Variants in DOT1L observed in about 807,000 individuals in gnomAD.
DOT1L encodes DOT1 like histone lysine methyltransferase, also known as histone-lysine N-methyltransferase, H3 lysine-79 specific.
DOT1L carries 33 observed loss-of-function variants against 153.3 expected under a neutral mutation model. The ratio of observed to expected loss-of-function variants is 0.22; its 90% CI spans 0.16 to 0.29. The LOEUF is 0.29. Among genes scored for constraint, DOT1L ranks in the 10% least tolerant of loss-of-function variants. The pLI is 1.00. For synonymous variants in DOT1L, 1,135 were observed against 965.1 expected, an observed-to-expected ratio of 1.18 and a Z score of -3.26; for missense variants, 1,847 against 2,119.9, an observed-to-expected ratio of 0.87 and a Z score of 2.53.
intron 16 of DOT1L, chr19:2,212,148 C>T: frequency 3.3e-6 from 1 of 299,876 alleles, no homozygotes; most frequent in Non-Finnish European, 6.2e-6. Context: ...CCCGGTTCCT[C>T]AAAGGCTGAG....
rs2022191603 is a variant in DOT1L at position 2,180,698 on chromosome 19, C to T, written c.82-15C>T. ...GAGGATGGCTCTGCGTCTCAAACTTCTCTCTCTGTTTCAGGATAAACATCA... is the reference window on the plus strand; with the variant it reads ...GAGGATGGCTCTGCGTCTCAAACTTTTCTCTCTGTTTCAGGATAAACATCA... On this transcript the variant is annotated splice_polypyrimidine_tract_variant and intron_variant, in intron 1 of 27. Transcript: ENST00000398665. The T allele has an allele frequency of 6.2e-7, 1 of 1,613,978 alleles. No individual in the cohort carries two copies. Among genetic ancestry groups the T allele is most frequent in the Non-Finnish European group, 8.5e-7 (1 of 1,179,976 alleles).
At chr19:2,212,168 G>A (rs1186781818) in intron 16 of DOT1L, 1 of 238,606 alleles carries the variant, frequency 4.2e-6, no homozygotes, top group Non-Finnish European at 8.1e-6. Context: ...GTACTGTGAG[G>A]TCACAGTCTT....
chr19:2,214,353 G>A, intron 18 of DOT1L, 118 bp from the exon 19 acceptor site: 1 of 1,479,186 alleles, frequency 6.8e-7, no homozygotes. Context: ...AACGGGGTCT[G>A]TGCCCTAAGC....
In DOT1L at chr19:2,207,403, G is replaced by C. The variant is rs1001897282; in HGVS notation, c.857-171G>C. On this transcript the variant is annotated intron_variant, in intron 10 of 27. Transcript: ENST00000398665. The surrounding 1 kb of genome is among the most constrained non-coding windows in gnomAD (Gnocchi z 4.5). The stretch of plus-strand genomic sequence containing the variant: ...CCCAGGCCAGGTGGTGTTGAATGGT[G>C]CACCTCCCTGGGCCGGCCTCTGTGG... Among the ~76,000 whole-genome samples the C allele has an allele frequency of 6.6e-6, 1 of 152,194 alleles. No homozygotes were observed. The highest frequency in any genetic ancestry group is 1.5e-5 in the Non-Finnish European group (1 of 68,018).
At chr19:2,195,831 A>G in intron 7 of DOT1L, among the ~76,000 whole-genome samples, 1 of 152,228 alleles carries the variant, frequency 6.6e-6, no homozygotes, top group Non-Finnish European at 1.5e-5. Context: ...AGTTTGCAGA[A>G]GCAACAGAAA....
At chr19:2,228,696 G>A in intron 27 of DOT1L, 1 of 985,412 alleles carries the variant, frequency 1.0e-6, no homozygotes, top group Non-Finnish European at 1.2e-6. Flanking sequence ...CCAGGCCAGG[G>A]GGCTGGGAGC....
intron 18 of DOT1L, 92 bp downstream of exon 18, chr19:2,214,078 G>C (rs1015166812): frequency 4.3e-5 from 65 of 1,498,440 alleles, no homozygotes; most frequent in Non-Finnish European, 5.8e-5. Context: ...GCTCTGGAAG[G>C]CCCGCCTCTG....
At position 2,230,300 on chromosome 19, in the gene DOT1L, C is replaced by T. The variant is rs1025683377; in HGVS notation, c.*508C>T. On this transcript the variant is annotated 3_prime_UTR_variant, in exon 28 of 28. Transcript: ENST00000398665. ...GCTCCCGTACCAAAGGCAGGCCCGT[C>T]GCCACCACATTCCTCGGAGGCCTCC... The T allele has an allele frequency of 5.3e-5, 22 of 416,458 alleles. No individual in the cohort carries two copies. The highest frequency in any genetic ancestry group is 2.9e-4 in the African/African-American group (14 of 48,820). 25.8% of individuals were successfully genotyped at this position (416,458 alleles called of 1,614,324 possible). A position where few individuals can be genotyped will look rare whatever the true frequency, so the allele number is the denominator to read the frequency against.
chr19:2,207,496 C>T lies in DOT1L; in HGVS notation c.857-78C>T. The T allele has an allele frequency of 7.8e-7, 1 of 1,276,594 alleles. No homozygotes were observed. The highest frequency in any genetic ancestry group is 1.1e-6 in the Non-Finnish European group (1 of 914,360). 79.1% of individuals were successfully genotyped at this position (1,276,594 alleles called of 1,614,324 possible). A position where few individuals can be genotyped will look rare whatever the true frequency, so the allele number is the denominator to read the frequency against. On this transcript the variant is annotated intron_variant, in intron 10 of 27. Coordinates refer to ENST00000398665, the MANE Select transcript of DOT1L (RefSeq NM_032482.3). The surrounding 1 kb of genome is among the most constrained non-coding windows in gnomAD (Gnocchi z 4.5). Reference sequence around the variant, plus strand: ...GCAGCTCAGGCTTCTGTCCCCACGCCTGCCCTGGGGTGGGTGAGGTCTGCA... The same window carrying T: ...GCAGCTCAGGCTTCTGTCCCCACGCTTGCCCTGGGGTGGGTGAGGTCTGCA...
In DOT1L at chr19:2,208,890, AGATTGG is replaced by A. The variant is rs1203189957; in HGVS notation, c.964-42_964-37del. Reference sequence around the variant, plus strand: ...TGGGTGTCCAGACAAATCCGAACAGAGATTGGGACTCCCTTCTAATCAGGGTTCTCT... The same window carrying A: ...TGGGTGTCCAGACAAATCCGAACAGAGACTCCCTTCTAATCAGGGTTCTCT... On this transcript the variant is annotated intron_variant, in intron 11 of 27. Transcript: ENST00000398665. This position sits in a 1 kb window ranked among gnomAD's most constrained non-coding sequence, Gnocchi z 4.4. 1 of 1,598,080 alleles carries A rather than the reference AGATTGG, an allele frequency of 6.3e-7. No homozygotes were observed. Among genetic ancestry groups the A allele is most frequent in the Non-Finnish European group, 8.5e-7 (1 of 1,170,728 alleles).
In DOT1L at chr19:2,222,427, C is replaced by T. The variant is rs756337153; in HGVS notation, c.3258C>T (p.Arg1086=). ...VPSHGQDSRR[R]GRRKRASAGT... is the part of the protein sequence containing the mutation. ...GCCACGGGCAGGACAGTCGCAGGCG[C>T]GGCCGGCGGAAGCGAGCATCTGCGG... The change falls in exon 24 of 28, where the codon CGC becomes CGT. Residue 1086 remains arginine, a synonymous_variant. Coordinates refer to ENST00000398665, the MANE Select transcript of DOT1L (RefSeq NM_032482.3). This position sits in a 1 kb window ranked among gnomAD's most constrained non-coding sequence, Gnocchi z 6.5. The T allele has an allele frequency of 3.4e-5, 55 of 1,609,786 alleles. No individual in the cohort carries two copies. The Middle Eastern group carries it at 5.0e-4, about 15-fold the overall frequency.
chr19:2,208,180 C>T lies in DOT1L; in HGVS notation c.963+500C>T, dbSNP rs985938446. ...CAGTGTGCGGCCTGCCTGCCTCCCACGGTGCTTCCCCCCCGGGCACGAGTA... is the reference window on the plus strand; with the variant it reads ...CAGTGTGCGGCCTGCCTGCCTCCCATGGTGCTTCCCCCCCGGGCACGAGTA... On this transcript the variant is annotated intron_variant, in intron 11 of 27. Coordinates refer to ENST00000398665, the MANE Select transcript of DOT1L (RefSeq NM_032482.3). This position sits in a 1 kb window ranked among gnomAD's most constrained non-coding sequence, Gnocchi z 4.4. 3.3e-5 allele frequency among the ~76,000 whole-genome samples: 5 copies of T among 152,134 alleles called. No individual in the cohort carries two copies. The highest frequency in any genetic ancestry group is 9.7e-5 in the African/African-American group (4 of 41,424).
chr19:2,167,879 A>G (rs4807205), intron 1 of DOT1L, among the ~76,000 whole-genome samples: 70,288 of 151,206 alleles, frequency 0.46, 16,397 homozygotes, highest in African/African-American at 0.48. Flanking sequence ...GGGATTACAG[A>G]CCTGTGCCAC....
intron 8 of DOT1L, among the ~76,000 whole-genome samples, chr19:2,201,568 A>T (rs1272595658): frequency 1.3e-5 from 2 of 152,008 alleles, no homozygotes; most frequent in African/African-American, 4.8e-5. Context: ...GTGAACTTCC[A>T]TTTGGGTTGG....
intron 2 of DOT1L, 43 bp from the exon 3 acceptor site, chr19:2,185,808 CAAAA>C (rs748068877): frequency 4.4e-6 from 7 of 1,593,854 alleles, no homozygotes; most frequent in South Asian, 2.2e-5. Flanking sequence ...CAAAACAAAA[CAAAA>C]AAAACCAAAC....
At position 2,214,604 on chromosome 19, in the gene DOT1L, G is replaced by C. The variant is rs1339148632; in HGVS notation, c.1923+8G>C. ...CACTGCCTGGAGCTGCAGGTGGGCT[G>C]CGCGCGAGGCTGCACTCCGTGGTGT... On this transcript the variant is annotated splice_region_variant and intron_variant, in intron 19 of 27. Coordinates refer to ENST00000398665, the MANE Select transcript of DOT1L (RefSeq NM_032482.3). The C allele has an allele frequency of 6.2e-7, 1 of 1,611,442 alleles. No individual in the cohort carries two copies. The highest frequency in any genetic ancestry group is 1.1e-5 in the South Asian group (1 of 90,886).
intron 22 of DOT1L, among the ~76,000 whole-genome samples, chr19:2,219,865 C>G (rs1485533126): frequency 6.6e-6 from 1 of 152,206 alleles, no homozygotes; most frequent in Non-Finnish European, 1.5e-5. Context: ...GGACCCCCGC[C>G]TCCTGACCTC....
At chr19:2,210,008 C>T (rs1012035762) in intron 12 of DOT1L, among the ~76,000 whole-genome samples, 23 of 152,200 alleles carry the variant, frequency 1.5e-4, no homozygotes, top group Non-Finnish European at 2.6e-4. Flanking sequence ...GTGTGGGCCT[C>T]GGTGCCTTTC....
rs775729505 is a variant in DOT1L at position 2,211,146 on chromosome 19, G to C, written c.1399G>C (p.Val467Leu). 4 of 1,612,836 alleles carry C rather than the reference G, an allele frequency of 2.5e-6. No homozygotes were observed. The African/African-American group carries it at 5.3e-5, about 22-fold the overall frequency. ...CCCGTTCTACCAGCTACCTCCGAGC[G>C]TGCAGCGGCACTCCCCCAACCCGCT... ...HSPFYQLPPS[V>L]QRHSPNPLLV... Residue 467 changes from valine to leucine, a missense_variant, in exon 15 of 28, where the codon GTG becomes CTG. Val to Leu is a conservative substitution (Grantham distance 32, BLOSUM62 1). Coordinates refer to ENST00000398665, the MANE Select transcript of DOT1L (RefSeq NM_032482.3).
Sources: gnomAD v4.1 joint callset for allele counts (sites outside exome capture counted in the v4.1 genomes callset) on GRCh38, gnomAD v4.1.1 for gene constraint, Gnocchi (gnomAD v3.1) non-coding constraint, MANE v1.5 for transcripts, NCBI Gene and HGNC (gene_info 2026-07-23, HGNC 2026-07-21) for gene names.